Variants in SBF2 observed in about 807,000 individuals in gnomAD.
SBF2 encodes SET binding factor 2.
A neutral mutation model predicts 225.2 loss-of-function variants in SBF2; 112 were observed. The observed-to-expected ratio is 0.50, with a 90% CI of 0.43 to 0.58. SBF2 has a LOEUF of 0.58. Ranked by LOEUF, SBF2 falls within the 20% of genes least tolerant of loss-of-function variation. SBF2 has a pLI of 0.00. For missense variants in SBF2, 1,996 were observed against 2,206.2 expected (o/e 0.90, Z 1.91); for synonymous variants, 763 against 773.3 (o/e 0.99, Z 0.22).
At chr11:9,873,924 A>C (rs529329558) in intron 17 of SBF2, among the ~76,000 whole-genome samples, 1 of 152,078 alleles carries the variant, frequency 6.6e-6, no homozygotes, top group East Asian at 1.9e-4. Context: ...TGGCAGGCGC[A>C]TGTAATCTCA....
At chr11:9,832,085 G>A in intron 27 of SBF2, 139 bp downstream of exon 27, 3 of 732,280 alleles carry the variant, frequency 4.1e-6, no homozygotes, top group Non-Finnish European at 7.3e-6. Context: ...AGCTGTACAT[G>A]TTGCATGTAG....
chr11:10,008,912 T>C (rs905890769), intron 6 of SBF2, among the ~76,000 whole-genome samples: 2 of 152,248 alleles, frequency 1.3e-5, no homozygotes, highest in Non-Finnish European at 2.9e-5. Context: ...CCTGGGCAAT[T>C]ATCCTCCAAA....
intron 1 of SBF2, among the ~76,000 whole-genome samples, chr11:10,272,938 C>T (rs752124799): frequency 3.6e-4 from 55 of 151,900 alleles, no homozygotes; most frequent in Non-Finnish European, 6.2e-4. Flanking sequence ...GGCATGGTGG[C>T]ACATGCCTGT....
At chr11:9,973,196 G>T (rs1429205647) in intron 13 of SBF2, among the ~76,000 whole-genome samples, 2 of 152,192 alleles carry the variant, frequency 1.3e-5, no homozygotes, top group African/African-American at 4.8e-5. Flanking sequence ...AGGGCTCACT[G>T]TATTCTGCAT....
At chr11:9,933,547 T>C (rs2134267316) in intron 16 of SBF2, among the ~76,000 whole-genome samples, 1 of 152,296 alleles carries the variant, frequency 6.6e-6, no homozygotes, top group South Asian at 2.1e-4. Flanking sequence ...AACAAAGTGC[T>C]CCTGAATGAC....
At chr11:9,790,845 C>T in intron 33 of SBF2, 162 bp from the exon 34 acceptor site, 1 of 571,684 alleles carries the variant, frequency 1.7e-6, no homozygotes, top group Non-Finnish European at 3.1e-6. Flanking sequence ...AAGCTAAAGA[C>T]CGGAATGAAT....
At chr11:9,857,038 C>T (rs963448122) in intron 18 of SBF2, among the ~76,000 whole-genome samples, 1 of 152,192 alleles carries the variant, frequency 6.6e-6, no homozygotes, top group Non-Finnish European at 1.5e-5. Context: ...CAGCCCGCCT[C>T]GGCCTCCCAA....
chr11:10,143,368 C>A (rs1032463553), intron 2 of SBF2, among the ~76,000 whole-genome samples: 1 of 152,208 alleles, frequency 6.6e-6, no homozygotes, highest in Non-Finnish European at 1.5e-5. Flanking sequence ...AACGGGGTTT[C>A]ACCATGTTGG....
intron 2 of SBF2, among the ~76,000 whole-genome samples, chr11:10,116,478 C>G (rs963292490): frequency 6.6e-6 from 1 of 152,100 alleles, no homozygotes; most frequent in South Asian, 2.1e-4. Flanking sequence ...ATACTCTCTT[C>G]TAAATTTTTC....
intron 1 of SBF2, among the ~76,000 whole-genome samples, chr11:10,208,582 GTGGAGGGACAGAA>G (rs899454228): frequency 9.9e-5 from 15 of 152,042 alleles, no homozygotes; most frequent in Non-Finnish European, 8.8e-5. Context: ...AAGAACACAG[GTGGAGGGACAGAA>G]TGGAGAAAAA....
At chr11:9,955,908 G>C (rs1866134981) in intron 16 of SBF2, among the ~76,000 whole-genome samples, 1 of 151,994 alleles carries the variant, frequency 6.6e-6, no homozygotes, top group African/African-American at 2.4e-5. Context: ...TGTATCATTA[G>C]ATTAAATATC....
chr11:9,857,221 G>A (rs1564922030), intron 18 of SBF2, among the ~76,000 whole-genome samples: 1 of 152,182 alleles, frequency 6.6e-6, no homozygotes, highest in Non-Finnish European at 1.5e-5. Context: ...GTGGAACTAT[G>A]TGACAAACCT....
chr11:9,940,689 C>T (rs1008312838), intron 16 of SBF2, among the ~76,000 whole-genome samples: 2 of 151,876 alleles, frequency 1.3e-5, no homozygotes, highest in South Asian at 2.1e-4. Context: ...TTGGTTTGGC[C>T]CAGGGGGCAC....
intron 2 of SBF2, among the ~76,000 whole-genome samples, chr11:10,172,435 T>C (rs1417997774): frequency 6.6e-6 from 1 of 152,062 alleles, no homozygotes; most frequent in Non-Finnish European, 1.5e-5. Context: ...CACTGCAACC[T>C]CCACCTCCCA....
intron 16 of SBF2, among the ~76,000 whole-genome samples, chr11:9,945,292 A>C (rs1865499747): frequency 6.6e-6 from 1 of 152,222 alleles, no homozygotes; most frequent in Non-Finnish European, 1.5e-5. Context: ...AAATAAAGCC[A>C]CACATCTACA....
intron 29 of SBF2, among the ~76,000 whole-genome samples, chr11:9,816,393 C>T (rs1421636694): frequency 1.3e-5 from 2 of 152,180 alleles, no homozygotes; most frequent in African/African-American, 4.8e-5. Context: ...TGCCTTGCCT[C>T]CATACATGGT....
chr11:9,906,652 G>A (rs1031914455), intron 16 of SBF2, among the ~76,000 whole-genome samples: 8 of 152,306 alleles, frequency 5.3e-5, no homozygotes, highest in Middle Eastern at 6.8e-3. Context: ...TATTGACACA[G>A]CAACCGCATT....
At position 10,073,529 on chromosome 11, in the gene SBF2, A is replaced by G. The variant is rs568059669; in HGVS notation, c.142-30548T>C. ...GGAGTTTGAGACCAGCCTGGCCTAC[A>G]TGGCGAAACACTGTCTGTCTCTACT... On this transcript the variant is annotated intron_variant, in intron 2 of 39. Coordinates refer to ENST00000256190, the MANE Select transcript of SBF2 (RefSeq NM_030962.4). Among the ~76,000 whole-genome samples, 3 of 152,244 alleles carry G rather than the reference A, an allele frequency of 2.0e-5. No individual in the cohort carries two copies. In the East Asian group the frequency reaches 5.8e-4, roughly 29 times the overall value.
At chr11:10,052,903 C>G (rs926823389) in intron 2 of SBF2, among the ~76,000 whole-genome samples, 2 of 152,042 alleles carry the variant, frequency 1.3e-5, no homozygotes, top group Non-Finnish European at 2.9e-5. Context: ...TTGTTTTATG[C>G]TAATATAAAT....
Sources: gnomAD v4.1 joint callset for allele counts (sites outside exome capture counted in the v4.1 genomes callset) on GRCh38, gnomAD v4.1.1 for gene constraint, MANE v1.5 for transcripts, NCBI Gene and HGNC (gene_info 2026-07-23, HGNC 2026-07-21) for gene names.